IFT43: variants seen among roughly 807,000 people sequenced by gnomAD.
The protein encoded by IFT43 is intraflagellar transport 43, also known as intraflagellar transport protein 43 homolog.
IFT43 carries 33 observed loss-of-function variants against 32.3 expected under a neutral mutation model. The observed-to-expected ratio is 1.02, with a 90% CI of 0.77 to 1.37. The LOEUF is 1.37. IFT43 is among the 40% of genes most tolerant of loss of function. The pLI, the probability that IFT43 is intolerant of heterozygous loss-of-function variation, is 0.00. For missense variants in IFT43, 274 were observed against 265.9 expected (o/e 1.03, Z -0.21); for synonymous variants, 93 against 98.2 (o/e 0.95, Z 0.31).
chr14:76,039,243 C>T (rs773851311), intron 3 of IFT43, among the ~76,000 whole-genome samples: 4 of 152,062 alleles, frequency 2.6e-5, no homozygotes, highest in Admixed American at 1.3e-4. Context: ...AGCTGTCCTC[C>T]GGCCTCAGCC....
At chr14:76,059,178 CTAAT>C in intron 4 of IFT43, 145 bp from the exon 5 acceptor site, 1 of 1,576,766 alleles carries the variant, frequency 6.3e-7, no homozygotes, top group Admixed American at 1.8e-5. Flanking sequence ...ACCCAGTGGC[CTAAT>C]TAGGTTTGAC....
intron 5 of IFT43, among the ~76,000 whole-genome samples, chr14:76,081,822 T>C (rs1594870708): frequency 6.6e-6 from 1 of 152,154 alleles, no homozygotes; most frequent in East Asian, 1.9e-4. Context: ...CTAATGCACA[T>C]AGAGATCTGG....
chr14:76,058,203 C>CTGAA (rs1474690682), intron 3 of IFT43: 5 of 254,800 alleles, frequency 2.0e-5, no homozygotes, highest in Admixed American at 5.2e-5. Context: ...GTTCCAAAGT[C>CTGAA]TGAAGCCTGA....
chr14:76,022,072 G>T (rs2036301009), intron 2 of IFT43, among the ~76,000 whole-genome samples: 1 of 152,118 alleles, frequency 6.6e-6, no homozygotes, highest in South Asian at 2.1e-4. Flanking sequence ...CCAACATGGT[G>T]AAACCCTGTC....
At chr14:76,025,416 T>G (rs2036372174) in intron 3 of IFT43, among the ~76,000 whole-genome samples, 1 of 152,034 alleles carries the variant, frequency 6.6e-6, no homozygotes, top group South Asian at 2.1e-4. Context: ...AAACTACCAT[T>G]GACATTCTTC....
At chr14:76,010,134 A>G (rs1172551976) in intron 2 of IFT43, among the ~76,000 whole-genome samples, 1 of 152,130 alleles carries the variant, frequency 6.6e-6, no homozygotes, top group African/African-American at 2.4e-5. Flanking sequence ...CCCCAATTTC[A>G]GGTATACACA....
chr14:76,052,954 G>T (rs2036942904), intron 3 of IFT43, among the ~76,000 whole-genome samples: 1 of 152,126 alleles, frequency 6.6e-6, no homozygotes, highest in South Asian at 2.1e-4. Flanking sequence ...CTGTTGAAAT[G>T]CCCGCATGTC....
intron 5 of IFT43, among the ~76,000 whole-genome samples, chr14:76,062,372 TTTTTCTGCTTC>T (rs2037153207): frequency 1.3e-5 from 2 of 151,906 alleles, no homozygotes; most frequent in South Asian, 4.2e-4. Flanking sequence ...GCCCGGCCTG[TTTTTCTGCTTC>T]TTTACATGAT....
chr14:76,019,676 T>C (rs1401037405), intron 2 of IFT43, among the ~76,000 whole-genome samples: 1 of 152,154 alleles, frequency 6.6e-6, no homozygotes, highest in Non-Finnish European at 1.5e-5. Flanking sequence ...CCTTTGCCCA[T>C]CTCTTCTTCT....
intron 2 of IFT43, among the ~76,000 whole-genome samples, chr14:76,001,486 G>A (rs558493792): frequency 6.6e-6 from 1 of 152,324 alleles, no homozygotes; most frequent in African/African-American, 2.4e-5. Context: ...TGAGGTAGGT[G>A]AGACTGGAAG....
chr14:75,998,625 G>T (rs2035793491), intron 2 of IFT43, among the ~76,000 whole-genome samples: 1 of 152,210 alleles, frequency 6.6e-6, no homozygotes, highest in Admixed American at 6.5e-5. Context: ...GGACTGAGGG[G>T]TCAGCAGTGT....
chr14:75,989,625 C>T (rs2035598073), intron 2 of IFT43, among the ~76,000 whole-genome samples: 1 of 152,176 alleles, frequency 6.6e-6, no homozygotes, highest in Admixed American at 6.5e-5. Context: ...TCTTCTCTAA[C>T]CTCTCCAGGC....
At chr14:76,025,212 C>CA (rs2036367801) in intron 3 of IFT43, among the ~76,000 whole-genome samples, 1 of 152,104 alleles carries the variant, frequency 6.6e-6, no homozygotes, top group Admixed American at 6.5e-5. Context: ...TTGTTGCCTT[C>CA]AAAATGGCAT....
intron 2 of IFT43, 50 bp from the exon 3 acceptor site, chr14:76,022,277 A>C: frequency 6.7e-7 from 1 of 1,497,810 alleles, no homozygotes; most frequent in Non-Finnish European, 9.3e-7. Context: ...AAAATAAAAT[A>C]AATGCAAATG....
intron 3 of IFT43, among the ~76,000 whole-genome samples, chr14:76,044,032 A>G (rs1055606378): frequency 6.6e-6 from 1 of 150,546 alleles, no homozygotes; most frequent in African/African-American, 2.5e-5. Flanking sequence ...TACAAAGCAT[A>G]TGTTATTTCT....
intron 5 of IFT43, among the ~76,000 whole-genome samples, chr14:76,070,203 A>C (rs1471241442): frequency 6.6e-6 from 1 of 152,200 alleles, no homozygotes. Flanking sequence ...AATTAGAAAA[A>C]TGCTATCTGT....
chr14:76,014,941 G>T (rs575877138), intron 2 of IFT43, among the ~76,000 whole-genome samples: 36 of 152,264 alleles, frequency 2.4e-4, no homozygotes, highest in African/African-American at 8.4e-4. Flanking sequence ...TTGAGTTTCA[G>T]ATTAAGCCTG....
chr14:76,026,377 G>A (rs1028870983), intron 3 of IFT43, among the ~76,000 whole-genome samples: 1 of 152,058 alleles, frequency 6.6e-6, no homozygotes, highest in Non-Finnish European at 1.5e-5. Context: ...TGACCGACAT[G>A]GAGAATCCCC....
chr14:76,073,596 C>T (rs927796708), intron 5 of IFT43, among the ~76,000 whole-genome samples: 3 of 152,076 alleles, frequency 2.0e-5, no homozygotes, highest in South Asian at 4.2e-4. Context: ...TGCGCATGTG[C>T]ACACATCTCT....
Sources: allele counts gnomAD v4.1 joint callset (sites outside exome capture counted in the v4.1 genomes callset), GRCh38; gene constraint gnomAD v4.1.1; transcripts MANE v1.5; gene names NCBI Gene and HGNC (gene_info 2026-07-23, HGNC 2026-07-21).